Variants in FHOD3 observed in about 807,000 individuals in gnomAD.
FHOD3 encodes the protein FH1/FH2 domain-containing protein 3.
A neutral mutation model predicts 173.0 loss-of-function variants in FHOD3; 90 were observed. The observed-to-expected ratio is 0.52, with a 90% CI of 0.44 to 0.62. The LOEUF (loss-of-function observed/expected upper bound fraction) is 0.62. Among genes scored for constraint, FHOD3 ranks in the 20% least tolerant of loss-of-function variants. The pLI is 0.00. For missense variants in FHOD3, 1,945 were observed against 2,034.7 expected, an observed-to-expected ratio of 0.96 and a Z score of 0.85; for synonymous variants, 828 against 823.0, an observed-to-expected ratio of 1.01 and a Z score of -0.10.
intron 3 of FHOD3, among the ~76,000 whole-genome samples, chr18:36,481,240 C>T (rs1402776750): frequency 6.6e-6 from 1 of 151,908 alleles, no homozygotes; most frequent in Non-Finnish European, 1.5e-5. Flanking sequence ...TAGTAAATTG[C>T]CTCAGGAATT....
At chr18:36,376,791 C>G (rs923578223) in intron 3 of FHOD3, among the ~76,000 whole-genome samples, 1 of 152,206 alleles carries the variant, frequency 6.6e-6, no homozygotes, top group Non-Finnish European at 1.5e-5. Flanking sequence ...ATCATGCAGC[C>G]GTGTGCTTTG....
chr18:36,512,301 G>A lies in FHOD3; in HGVS notation c.406-137G>A, dbSNP rs538790822. Reference sequence around the variant, plus strand: ...AAATTCTTTTGGCAACAGTTGATATGCTTCATTTGAATACAGCAGAGCAAT... The same window carrying A: ...AAATTCTTTTGGCAACAGTTGATATACTTCATTTGAATACAGCAGAGCAAT... On this transcript the variant is annotated intron_variant, in intron 4 of 28. Coordinates refer to ENST00000590592, the MANE Select transcript of FHOD3 (RefSeq NM_001281740.3). 2.2e-4 allele frequency: 150 copies of A among 669,528 alleles called. No individual in the cohort carries two copies. In the East Asian group the frequency reaches 4.0e-3, roughly 18 times the overall value. 41.5% of individuals were successfully genotyped at this position (669,528 alleles called of 1,614,324 possible).
intron 3 of FHOD3, among the ~76,000 whole-genome samples, chr18:36,493,793 C>T (rs1441285038): frequency 6.6e-6 from 1 of 152,144 alleles, no homozygotes; most frequent in Non-Finnish European, 1.5e-5. Context: ...CCTCTTGAAA[C>T]GTGGTATACT....
At chr18:36,705,381 G>C (rs1302101717) in intron 17 of FHOD3, among the ~76,000 whole-genome samples, 1 of 152,154 alleles carries the variant, frequency 6.6e-6, no homozygotes, top group African/African-American at 2.4e-5. Flanking sequence ...TACCCCTTGA[G>C]ACTCAAACAT....
At chr18:36,362,208 C>T (rs2046657730) in intron 2 of FHOD3, among the ~76,000 whole-genome samples, 2 of 152,050 alleles carry the variant, frequency 1.3e-5, no homozygotes, top group African/African-American at 2.4e-5. Flanking sequence ...ATGTAACCCC[C>T]TGGGGGGACA....
At chr18:36,346,298 C>T (rs1272346667) in intron 1 of FHOD3, among the ~76,000 whole-genome samples, 1 of 152,044 alleles carries the variant, frequency 6.6e-6, no homozygotes, top group Non-Finnish European at 1.5e-5. Context: ...CCTGGGAGGT[C>T]AAGGATGTGG....
intron 6 of FHOD3, among the ~76,000 whole-genome samples, chr18:36,592,290 C>T (rs1053718984): frequency 2.0e-5 from 3 of 152,188 alleles, no homozygotes; most frequent in African/African-American, 7.2e-5. Context: ...GTCAGGAAGG[C>T]ATTTTCTATA....
intron 3 of FHOD3, among the ~76,000 whole-genome samples, chr18:36,480,773 G>C (rs367787316): frequency 4.3e-4 from 65 of 152,194 alleles, no homozygotes; most frequent in African/African-American, 1.5e-3. Flanking sequence ...TAAATGATTT[G>C]TATTGCATGT....
At chr18:36,584,208 C>T (rs2058951164) in intron 6 of FHOD3, among the ~76,000 whole-genome samples, 1 of 152,178 alleles carries the variant, frequency 6.6e-6, no homozygotes, top group Non-Finnish European at 1.5e-5. Flanking sequence ...TTGCTGGCCT[C>T]TCACCCTTTC....
chr18:36,440,656 A>G (rs2051090400), intron 3 of FHOD3, among the ~76,000 whole-genome samples: 2 of 152,262 alleles, frequency 1.3e-5, no homozygotes, highest in African/African-American at 2.4e-5. Flanking sequence ...GTGGAGGCCA[A>G]GCTTTGAAAT....
At chr18:36,624,510 A>G (rs1429643183) in intron 9 of FHOD3, among the ~76,000 whole-genome samples, 33 of 152,266 alleles carry the variant, frequency 2.2e-4, no homozygotes, top group Admixed American at 2.0e-3. Context: ...ATGGATAAGG[A>G]GCAGAGCTGG....
Position 36,596,528 on chromosome 18 carries a change from T to C in FHOD3, c.718+1630T>C. ...ATTACTCAGACCCACCTTTGAATGCTGAATCCAAATGTGAAAGAAAGTAGC... is the reference window on the plus strand; with the variant it reads ...ATTACTCAGACCCACCTTTGAATGCCGAATCCAAATGTGAAAGAAAGTAGC... On this transcript the variant is annotated intron_variant, in intron 7 of 28. Transcript: ENST00000590592. Among the ~76,000 whole-genome samples, 2 of 151,982 alleles carry C rather than the reference T, an allele frequency of 1.3e-5. 1 individual carries two copies. The highest frequency in any genetic ancestry group is 2.9e-5 in the Non-Finnish European group (2 of 67,986).
chr18:36,423,632 G>A (rs1193017853), intron 3 of FHOD3, among the ~76,000 whole-genome samples: 1 of 152,186 alleles, frequency 6.6e-6, no homozygotes, highest in Non-Finnish European at 1.5e-5. Context: ...TGTGTGCAGT[G>A]AGCATAGTGT....
chr18:36,315,962 C>T (rs1235393610), intron 1 of FHOD3, among the ~76,000 whole-genome samples: 1 of 152,078 alleles, frequency 6.6e-6, no homozygotes, highest in Admixed American at 6.5e-5. Flanking sequence ...ACGCACCGTT[C>T]TGTGGCTGAG....
At position 36,549,077 on chromosome 18, in the gene FHOD3, C is replaced by T. The variant is rs9635887; in HGVS notation, c.512-27374C>T. Among the ~76,000 whole-genome samples the T allele has an allele frequency of 1.9e-3, 282 of 152,296 alleles. 5 individuals are homozygous for T. In the East Asian group the frequency reaches 0.034, roughly 18 times the overall value. ...GAGTCTAGTTCATCTACATTCTTTC[C>T]AACACTTGGTGTGGTTAGTCTGTTT... On this transcript the variant is annotated intron_variant, in intron 5 of 28. Transcript: ENST00000590592.
At chr18:36,750,680 A>G (rs2042366383) in intron 24 of FHOD3, among the ~76,000 whole-genome samples, 1 of 152,196 alleles carries the variant, frequency 6.6e-6, no homozygotes, top group Non-Finnish European at 1.5e-5. Context: ...TGGTGTAAGG[A>G]AAGTGTCCAA....
intron 5 of FHOD3, among the ~76,000 whole-genome samples, chr18:36,534,135 G>A (rs1185376074): frequency 2.0e-5 from 3 of 152,196 alleles, no homozygotes; most frequent in African/African-American, 4.8e-5. Flanking sequence ...TGTGGGACGT[G>A]CAGCCAACTC....
chr18:36,428,905 A>G (rs550309039), intron 3 of FHOD3, among the ~76,000 whole-genome samples: 4 of 152,204 alleles, frequency 2.6e-5, no homozygotes, highest in South Asian at 2.1e-4. Context: ...ATGGAAACAC[A>G]TCTTCAGATG....
rs1234678211 is a variant in FHOD3 at position 36,744,335 on chromosome 18, G to GA, written c.4041+143dup. ...TCTCTGCTCTGGAGTTTATGAATAT[G>GA]ATTTGTTTTGTGGCATTTCTAATGA... On this transcript the variant is annotated intron_variant, in intron 23 of 28. Coordinates refer to ENST00000590592, the MANE Select transcript of FHOD3 (RefSeq NM_001281740.3). 1.9e-5 allele frequency: 16 copies of GA among 827,012 alleles called. No homozygotes were observed. The African/African-American group carries it at 2.8e-4, about 14-fold the overall frequency. The allele number at this position is 827,012 out of a possible 1,614,324, so 51.2% of individuals were successfully genotyped here.
Sources: gnomAD v4.1 joint callset for allele counts (sites outside exome capture counted in the v4.1 genomes callset) on GRCh38, gnomAD v4.1.1 for gene constraint, MANE v1.5 for transcripts, NCBI Gene and HGNC (gene_info 2026-07-23, HGNC 2026-07-21) for gene names.